Variants in MAP3K7 observed in about 807,000 individuals in gnomAD.
The protein encoded by MAP3K7 is TGF-beta activated kinase 1.
MAP3K7 carries 21 observed loss-of-function variants against 84.8 expected under a neutral mutation model. The observed-to-expected ratio is 0.25, with a 90% CI of 0.18 to 0.36. The LOEUF is 0.36. Ranked by LOEUF, MAP3K7 falls within the 10% of genes least tolerant of loss-of-function variation. The pLI is 1.00. For missense variants in MAP3K7, 503 were observed against 747.7 expected, an observed-to-expected ratio of 0.67 and a Z score of 3.82; for synonymous variants, 241 against 247.7, an observed-to-expected ratio of 0.97 and a Z score of 0.25.
rs1358733978 is a variant in MAP3K7 at position 90,557,015 on chromosome 6, A to G, written c.483-391T>C. 3.3e-5 allele frequency among the ~76,000 whole-genome samples: 5 copies of G among 151,466 alleles called. No homozygotes were observed. The East Asian group carries it at 9.6e-4, about 29-fold the overall frequency. ...AAATATGTATTACTTAAAAAATAGT[A>G]ACACTATATAAAGAAAATAATCCAA... On this transcript the variant is annotated intron_variant, in intron 5 of 16. Transcript: ENST00000369329.
chr6:90,568,665 T>G, intron 2 of MAP3K7, 42 bp from the exon 3 acceptor site: 2 of 1,416,038 alleles, frequency 1.4e-6, no homozygotes, highest in South Asian at 1.2e-5. Flanking sequence ...TGATAACTTT[T>G]GAAGTACTGA....
intron 14 of MAP3K7, among the ~76,000 whole-genome samples, chr6:90,523,042 C>T (rs981761051): frequency 6.6e-6 from 1 of 152,044 alleles, no homozygotes; most frequent in Admixed American, 6.6e-5. Flanking sequence ...TCCTGTTTGC[C>T]CATAATGAAA....
chr6:90,523,773 C>T lies in MAP3K7; in HGVS notation c.1367G>A (p.Arg456Lys). ...CATTCTGACACTGGGACTGGATGAC[C>T]TACTGCTCACCTACAGGAAGAAGTC... ...TGTEPGQVSS[R>K]SSSPSVRMIT... is the part of the protein sequence containing the mutation. The change falls in exon 14 of 17, where the codon AGG becomes AAG. Residue 456 changes from arginine to lysine, a missense_variant. This residue lies in a region of MAP3K7 where 286 missense variants were observed against 313.6 expected (regional missense o/e 0.91). Transcript: ENST00000369329. 1.3e-6 allele frequency: 2 copies of T among 1,593,878 alleles called. No homozygotes were observed. The highest frequency in any genetic ancestry group is 1.7e-6 in the Non-Finnish European group (2 of 1,162,010).
chr6:90,582,792 C>A (rs1049111957), intron 1 of MAP3K7, among the ~76,000 whole-genome samples: 2 of 151,180 alleles, frequency 1.3e-5, no homozygotes, highest in Admixed American at 1.3e-4. Flanking sequence ...AATTTGTGGT[C>A]TATAGTTAAC....
chr6:90,552,539 T>C (rs1776214028), intron 7 of MAP3K7, among the ~76,000 whole-genome samples: 1 of 152,192 alleles, frequency 6.6e-6, no homozygotes, highest in African/African-American at 2.4e-5. Context: ...GATAAATCTA[T>C]GAATGACCTA....
At chr6:90,536,716 T>C (rs546551984) in intron 12 of MAP3K7, 31 of 238,914 alleles carry the variant, frequency 1.3e-4, no homozygotes, top group African/African-American at 6.1e-4. Flanking sequence ...TGTGTTTAAA[T>C]AGATGAATGC....
Position 90,516,428 on chromosome 6 carries a change from CA to C in MAP3K7, c.*72del. ...CAAAAAGCTAACACTCATGAATCGT[CA>C]TTATAAGGTTTTCCTTTCCTTAAAA... On this transcript the variant is annotated 3_prime_UTR_variant, in exon 17 of 17. Transcript: ENST00000369329. 1 of 1,484,010 alleles carries C rather than the reference CA, an allele frequency of 6.7e-7. No individual in the cohort carries two copies. The highest frequency in any genetic ancestry group is 9.2e-7 in the Non-Finnish European group (1 of 1,082,784). 91.9% of individuals were successfully genotyped at this position (1,484,010 alleles called of 1,614,324 possible). A position where few individuals can be genotyped will look rare whatever the true frequency, so the allele number is the denominator to read the frequency against.
Position 90,518,458 on chromosome 6 carries a change from T to C in MAP3K7, c.1629A>G (p.Leu543=), listed in dbSNP as rs760280155. The C allele has an allele frequency of 5.2e-6, 8 of 1,547,078 alleles. No individual in the cohort carries two copies. The highest frequency in any genetic ancestry group is 7.1e-6 in the Non-Finnish European group (8 of 1,122,990). The part of the protein sequence containing the change: ...YMKVQTEIAL[L]LQRKQELVAE... Reference sequence around the variant, plus strand: ...AAAAAATAACTTACTTTCTCTGTAATAACAATGCAATTTCTGTTTGAACTT... The same window carrying C: ...AAAAAATAACTTACTTTCTCTGTAACAACAATGCAATTTCTGTTTGAACTT... The change falls in exon 16 of 17, where the codon TTA becomes TTG. Residue 543 remains leucine, a synonymous_variant. Coordinates refer to ENST00000369329, the MANE Select transcript of MAP3K7 (RefSeq NM_145331.3).
At chr6:90,542,265 T>C (rs1167606345) in intron 12 of MAP3K7, 2 of 984,376 alleles carry the variant, frequency 2.0e-6, no homozygotes, top group South Asian at 4.7e-5. Context: ...AGCACATTCA[T>C]GATTGGCTTT....
chr6:90,522,902 C>T (rs1280601344), intron 14 of MAP3K7, among the ~76,000 whole-genome samples: 1 of 152,014 alleles, frequency 6.6e-6, no homozygotes, highest in African/African-American at 2.4e-5. Flanking sequence ...TTTCCAAGGG[C>T]TAAGAGATCA....
chr6:90,519,251 C>G lies in MAP3K7; in HGVS notation c.1524+7G>C, dbSNP rs760273124. 1.9e-6 allele frequency: 3 copies of G among 1,580,770 alleles called. No individual in the cohort carries two copies. The South Asian group carries it at 3.4e-5, about 18-fold the overall frequency. ...AGTCAACTTTCAATAAGAAAGTACT[C>G]CTTTACCTGTAGTTGGTGATCCAGT... is the stretch of plus-strand genomic sequence containing the variant. On this transcript the variant is annotated splice_region_variant and intron_variant, in intron 15 of 16. Transcript: ENST00000369329.
intron 9 of MAP3K7, among the ~76,000 whole-genome samples, chr6:90,548,473 GGAA>G (rs1273853780): frequency 6.6e-6 from 1 of 152,114 alleles, no homozygotes; most frequent in Non-Finnish European, 1.5e-5. Context: ...AAAGACTAAA[GGAA>G]GAGTGAGTTT....
chr6:90,543,434 T>G (rs1205271884), intron 12 of MAP3K7, among the ~76,000 whole-genome samples: 1 of 152,096 alleles, frequency 6.6e-6, no homozygotes, highest in Non-Finnish European at 1.5e-5. Flanking sequence ...GTTCATTTAT[T>G]TAATAAATGT....
chr6:90,585,221 T>C (rs1355696075), intron 1 of MAP3K7, among the ~76,000 whole-genome samples: 2 of 152,222 alleles, frequency 1.3e-5, no homozygotes, highest in African/African-American at 4.8e-5. Flanking sequence ...TCTGATACAC[T>C]GAACTTTCCT....
chr6:90,528,302 A>C (rs1179300748), intron 13 of MAP3K7, among the ~76,000 whole-genome samples: 1 of 152,250 alleles, frequency 6.6e-6, no homozygotes, highest in Non-Finnish European at 1.5e-5. Flanking sequence ...GAAGAATCTT[A>C]TATCTAGCTT....
chr6:90,517,701 A>G (rs1016465098), intron 16 of MAP3K7, among the ~76,000 whole-genome samples: 2 of 151,818 alleles, frequency 1.3e-5, no homozygotes, highest in African/African-American at 4.8e-5. Flanking sequence ...TCAATAAATT[A>G]TGATAAAACA....
rs1175558204 is a variant in MAP3K7, at chr6:90,586,963, G to C, written c.-80C>G. 2 of 1,450,282 alleles carry C rather than the reference G, an allele frequency of 1.4e-6. No homozygotes were observed. Among genetic ancestry groups the C allele is most frequent in the Non-Finnish European group, 1.8e-6 (2 of 1,106,266 alleles). The allele number at this position is 1,450,282 out of a possible 1,614,324, so 89.8% of individuals were successfully genotyped here. A position where few individuals can be genotyped will look rare whatever the true frequency, so the allele number is the denominator to read the frequency against. On this transcript the variant is annotated 5_prime_UTR_variant, in exon 1 of 17. Transcript: ENST00000369329. ...TGAGACCCGCGCCCACCCGCCTCCG[G>C]ACCGACCCTCAGCCTGGAGCCGCGC...
intron 5 of MAP3K7, among the ~76,000 whole-genome samples, chr6:90,556,965 T>C (rs927172897): frequency 2.6e-5 from 4 of 152,200 alleles, no homozygotes; most frequent in African/African-American, 9.6e-5. Context: ...AACATTACGG[T>C]ATCCTGAAAT....
At chr6:90,565,617 C>T (rs977108473) in intron 3 of MAP3K7, among the ~76,000 whole-genome samples, 1 of 152,072 alleles carries the variant, frequency 6.6e-6, no homozygotes, top group Non-Finnish European at 1.5e-5. Context: ...GATTCACAGC[C>T]GAATTCTACC....
Sources: gnomAD v4.1 joint callset for allele counts (sites outside exome capture counted in the v4.1 genomes callset) on GRCh38, gnomAD v4.1.1 for gene constraint, gnomAD v4.1.1 regional missense constraint, MANE v1.5 for transcripts, NCBI Gene and HGNC (gene_info 2026-07-23, HGNC 2026-07-21) for gene names.